Variants in CTNS observed in about 807,000 individuals in gnomAD.
CTNS encodes cystinosin, lysosomal cystine transporter.
In CTNS, 27 loss-of-function variants were observed where a neutral mutation model predicts 43.7. That is an observed-to-expected ratio of 0.62 (90% confidence interval 0.46 to 0.85). The LOEUF (loss-of-function observed/expected upper bound fraction) is 0.85. Ranked by LOEUF, CTNS falls within the 40% of genes least tolerant of loss-of-function variation. The pLI, the probability that CTNS is intolerant of heterozygous loss-of-function variation, is 0.00. For missense variants in CTNS, 457 were observed against 475.4 expected, an observed-to-expected ratio of 0.96 and a Z score of 0.36; for synonymous variants, 187 against 190.6, an observed-to-expected ratio of 0.98 and a Z score of 0.16.
chr17:3,658,550 C>T (rs868393596), intron 10 of CTNS, among the ~76,000 whole-genome samples: 1 of 152,206 alleles, frequency 6.6e-6, no homozygotes, highest in Admixed American at 6.5e-5. Flanking sequence ...CCCCTTCCCG[C>T]GCAGAGCTCA....
chr17:3,641,384 A>ATATATATATATTTTTTTTTTT (rs1555558526), intron 3 of CTNS, among the ~76,000 whole-genome samples: 1 of 31,202 alleles, frequency 3.2e-5, no homozygotes, highest in African/African-American at 2.3e-4. Context: ...ATATATATAT[A>ATATATATATATTTTTTTTTTT]TTTTTTTTTT....
intron 5 of CTNS, chr17:3,650,145 T>A (rs1339302825): frequency 3.9e-6 from 6 of 1,548,722 alleles, no homozygotes; most frequent in Non-Finnish European, 4.4e-6. Context: ...TATATACACT[T>A]TTTATTTGTC....
intron 2 of CTNS, among the ~76,000 whole-genome samples, chr17:3,638,236 T>TTG (rs371511951): frequency 2.2e-4 from 11 of 50,736 alleles, no homozygotes; most frequent in South Asian, 4.8e-4. Context: ...GTTTTTTTTT[T>TTG]GTTTTTTTTT....
intron 9 of CTNS, 81 bp downstream of exon 9, chr17:3,656,876 G>C (rs1302072467): frequency 1.3e-6 from 2 of 1,598,992 alleles, no homozygotes; most frequent in Non-Finnish European, 8.5e-7. Context: ...AGACACGGCA[G>C]AGCCTGGGAA....
chr17:3,658,140 A>C lies in CTNS; in HGVS notation c.817A>C (p.Lys273Gln). The C allele has an allele frequency of 1.2e-6, 2 of 1,612,046 alleles. No individual in the cohort carries two copies. The highest frequency in any genetic ancestry group is 1.7e-6 in the Non-Finnish European group (2 of 1,179,744). Residue 273 changes from lysine to glutamine, a missense_variant, in exon 10 of 12, where the codon AAG becomes CAG. Lys to Gln is a moderately conservative substitution (Grantham distance 53, BLOSUM62 1). Transcript: ENST00000046640. The stretch of plus-strand genomic sequence containing the variant: ...GTTTCTCTTCTGCTTCTCCTACATC[A>C]AGCTCGCAGTCACGCTGGTCAAGTA... The part of the protein sequence containing the change: ...LQFLFCFSYI[K>Q]LAVTLVKYFP...
chr17:3,640,182 T>G lies in CTNS; in HGVS notation c.-19-6T>G. 6.2e-7 allele frequency: 1 copy of G among 1,610,836 alleles called. No homozygotes were observed. The highest frequency in any genetic ancestry group is 8.5e-7 in the Non-Finnish European group (1 of 1,177,002). Reference sequence around the variant, plus strand: ...TGAACTTCTCTCTTGCTGTTTTTCTTCCTAGTTCTGAGAAATCGAGAAACA... The same window carrying G: ...TGAACTTCTCTCTTGCTGTTTTTCTGCCTAGTTCTGAGAAATCGAGAAACA... On this transcript the variant is annotated splice_polypyrimidine_tract_variant and splice_region_variant and intron_variant, in intron 2 of 11. Coordinates refer to ENST00000046640, the MANE Select transcript of CTNS (RefSeq NM_004937.3).
intron 3 of CTNS, among the ~76,000 whole-genome samples, chr17:3,644,798 G>T (rs1016508501): frequency 6.6e-6 from 1 of 152,030 alleles, no homozygotes; most frequent in Admixed American, 6.6e-5. Flanking sequence ...ATGGGGTTTC[G>T]CCATATTGGC....
At chr17:3,655,525 G>A (rs1295846884) in intron 7 of CTNS, 173 bp downstream of exon 7, 1 of 947,054 alleles carries the variant, frequency 1.1e-6, no homozygotes, top group South Asian at 1.4e-5. Flanking sequence ...GGATTCCCGT[G>A]CTGGGCGTTT....
At chr17:3,656,824 C>T in intron 9 of CTNS, 29 bp downstream of exon 9, 1 of 1,612,352 alleles carries the variant, frequency 6.2e-7, no homozygotes, top group African/African-American at 1.3e-5. Flanking sequence ...CCCCACAGGC[C>T]ACCCCAGCCA....
At chr17:3,639,168 G>A (rs1372812028) in intron 2 of CTNS, among the ~76,000 whole-genome samples, 1 of 152,138 alleles carries the variant, frequency 6.6e-6, no homozygotes, top group Admixed American at 6.6e-5. Flanking sequence ...CCGTGAGACT[G>A]TGTACTGAGG....
At chr17:3,639,162 G>A (rs1376617992) in intron 2 of CTNS, among the ~76,000 whole-genome samples, 1 of 152,118 alleles carries the variant, frequency 6.6e-6, no homozygotes, top group Non-Finnish European at 1.5e-5. Context: ...GGAGGCCCGT[G>A]AGACTGTGTA....
At chr17:3,641,208 T>C (rs1163921548) in intron 3 of CTNS, among the ~76,000 whole-genome samples, 1 of 151,568 alleles carries the variant, frequency 6.6e-6, no homozygotes, top group Non-Finnish European at 1.5e-5. Flanking sequence ...TGCAGGCCTC[T>C]TTGAGGCCCG....
At chr17:3,655,848 CTG>C (rs1448744169) in intron 7 of CTNS, 1 of 254,142 alleles carries the variant, frequency 3.9e-6, no homozygotes, top group East Asian at 9.8e-5. Context: ...TGACTCCCCT[CTG>C]GAGCCAGGAC....
Position 3,660,400 on chromosome 17 carries a change from G to A in CTNS, c.*31G>A, listed in dbSNP as rs747960379. 1 of 1,613,992 alleles carries A rather than the reference G, an allele frequency of 6.2e-7. No homozygotes were observed. Among genetic ancestry groups the A allele is most frequent in the African/African-American group, 1.3e-5 (1 of 74,950 alleles). ...AGGGACCCAGTGTACCCAGCCTCTG[G>A]CCTCGTGCCCTGCTGGGGAAGGCCT... On this transcript the variant is annotated 3_prime_UTR_variant, in exon 12 of 12. Transcript: ENST00000046640.
intron 10 of CTNS, among the ~76,000 whole-genome samples, chr17:3,659,592 G>A (rs1270607808): frequency 1.3e-5 from 2 of 152,228 alleles, no homozygotes; most frequent in South Asian, 2.1e-4. Flanking sequence ...AGGCCGCATC[G>A]GCCCCGCCTC....
Position 3,658,038 on chromosome 17 carries a change from G to A in CTNS, c.715G>A (p.Gly239Ser), listed in dbSNP as rs374075160. Residue 239 changes from glycine to serine, a missense_variant, in exon 10 of 12, where the codon GGC (glycine) becomes AGC (serine). Coordinates refer to ENST00000046640, the MANE Select transcript of CTNS (RefSeq NM_004937.3). ...GGQRVSWPAI[G>S]FLVLAWLFAF... ...CCAGCGCGTGTCCTGGCCTGCCATC[G>A]GCTTCCTGGTGCTCGCGTGGCTCTT... 17 of 1,611,458 alleles carry A rather than the reference G, an allele frequency of 1.1e-5. No homozygotes were observed. Among genetic ancestry groups the A allele is most frequent in the East Asian group, 8.9e-5 (4 of 44,880 alleles).
intron 2 of CTNS, among the ~76,000 whole-genome samples, chr17:3,638,048 T>C (rs914309559): frequency 6.6e-5 from 10 of 152,066 alleles, no homozygotes; most frequent in Admixed American, 5.9e-4. Flanking sequence ...AGGTTGCTCC[T>C]GGGAAGGGAC....
At chr17:3,650,491 A>G (rs2075954053) in intron 5 of CTNS, 1 of 794,112 alleles carries the variant, frequency 1.3e-6, no homozygotes, top group Non-Finnish European at 1.9e-6. Context: ...CTAAAAAATT[A>G]AAAATAAAAA....
At position 3,660,266 on chromosome 17, in the gene CTNS, C is replaced by T. The variant is rs769368048; in HGVS notation, c.1001C>T (p.Thr334Ile). Residue 334 changes from threonine (T) to isoleucine (I), a missense_variant, in exon 12 of 12, where the codon ACC becomes ATC. Coordinates refer to ENST00000046640, the MANE Select transcript of CTNS (RefSeq NM_004937.3). ...DQWTLIFGDPTKFGLGVFSIV... is the reference protein window; with the variant it reads ...DQWTLIFGDPIKFGLGVFSIV... ...TGGACGCTGATCTTCGGAGACCCAA[C>T]CAAGTTTGGACTCGGGGTCTTCTCC... 6.2e-7 allele frequency: 1 copy of T among 1,614,264 alleles called. No individual in the cohort carries two copies. Among genetic ancestry groups the T allele is most frequent in the South Asian group, 1.1e-5 (1 of 91,086 alleles).
Sources: gnomAD v4.1 joint callset for allele counts (sites outside exome capture counted in the v4.1 genomes callset) on GRCh38, gnomAD v4.1.1 for gene constraint, MANE v1.5 for transcripts, NCBI Gene and HGNC (gene_info 2026-07-23, HGNC 2026-07-21) for gene names.